CLPTM1: variants seen among roughly 807,000 people sequenced by gnomAD.
CLPTM1 encodes the protein CLPTM1 regulator of GABA type A receptor forward trafficking.
In CLPTM1, 21 loss-of-function variants were observed where a neutral mutation model predicts 77.3. That is an observed-to-expected ratio of 0.27 (90% CI 0.19 to 0.39). The LOEUF (loss-of-function observed/expected upper bound fraction) is 0.39. Among genes scored for constraint, CLPTM1 ranks in the 10% least tolerant of loss-of-function variants. The pLI, the probability that CLPTM1 is intolerant of heterozygous loss-of-function variation, is 1.00. For missense variants in CLPTM1, 642 were observed against 921.2 expected (o/e 0.70, Z 3.92); for synonymous variants, 373 against 381.0 (o/e 0.98, Z 0.24).
chr19:44,980,402 G>T (rs1459554824), intron 5 of CLPTM1, among the ~76,000 whole-genome samples: 1 of 151,802 alleles, frequency 6.6e-6, no homozygotes, highest in Non-Finnish European at 1.5e-5. Context: ...CCAGTTACTC[G>T]GGAAGCTGAG....
At chr19:44,989,463 A>G (rs1971034634) in intron 9 of CLPTM1, among the ~76,000 whole-genome samples, 1 of 151,578 alleles carries the variant, frequency 6.6e-6, no homozygotes, top group Non-Finnish European at 1.5e-5. Context: ...AACCCACCAG[A>G]ACCCTGTCTC....
rs1029257260 is a variant in CLPTM1, at chr19:44,991,360, C to G, written c.1542C>G (p.Phe514Leu). 2.5e-6 allele frequency: 4 copies of G among 1,613,112 alleles called. No individual in the cohort carries two copies. Among genetic ancestry groups the G allele is most frequent in the Non-Finnish European group, 3.4e-6 (4 of 1,179,916 alleles). The change falls in exon 12 of 14, where the codon TTC becomes TTG. Residue 514 changes from phenylalanine (F) to leucine (L), a missense_variant. Phe to Leu is a conservative substitution (Grantham distance 22). This residue lies in a region of CLPTM1 where 521 missense variants were observed against 800.4 expected (regional missense o/e 0.65). Transcript: ENST00000337392. The surrounding 1 kb of genome is among the most constrained non-coding windows in gnomAD (Gnocchi z 5.4). ...GGGTGCTCAGCATGCTCTACGGCTTCCTGCTGACCTTCGGTGAGCGGTCCG... is the reference window on the plus strand; with the variant it reads ...GGGTGCTCAGCATGCTCTACGGCTTGCTGCTGACCTTCGGTGAGCGGTCCG... ...YSWVLSMLYG[F>L]LLTFGFITMT...
At position 44,967,035 on chromosome 19, in the gene CLPTM1, G is replaced by A. The variant is rs1600017135; in HGVS notation, c.185+4960G>A. Among the ~76,000 whole-genome samples, 5 of 152,234 alleles carry A rather than the reference G, an allele frequency of 3.3e-5. No homozygotes were observed. In the South Asian group the frequency reaches 1.0e-3, roughly 32 times the overall value. On this transcript the variant is annotated intron_variant, in intron 2 of 13. Coordinates refer to ENST00000337392, the MANE Select transcript of CLPTM1 (RefSeq NM_001294.4). ...TTTTTGTATTTTTAGTAGAGACAGG[G>A]TTTCATCGTGTTAGCCAGGATAGTC...
chr19:44,980,056 G>A (rs890713340), intron 5 of CLPTM1, among the ~76,000 whole-genome samples: 5 of 152,176 alleles, frequency 3.3e-5, no homozygotes, highest in Admixed American at 6.6e-5. Flanking sequence ...AGTCTGGTCT[G>A]TAAAATAGAA....
At chr19:44,975,393 A>G (rs372851152) in intron 4 of CLPTM1, among the ~76,000 whole-genome samples, 6 of 152,334 alleles carry the variant, frequency 3.9e-5, no homozygotes, top group Middle Eastern at 3.4e-3. Context: ...TTGAACAAGT[A>G]AAAGGGACAT....
At chr19:44,970,371 C>T (rs1475498253) in intron 2 of CLPTM1, among the ~76,000 whole-genome samples, 1 of 143,902 alleles carries the variant, frequency 6.9e-6, no homozygotes, top group Non-Finnish European at 1.5e-5. Flanking sequence ...CTCTGGTTAC[C>T]TCATATGTTG....
chr19:44,993,114 C>A lies in CLPTM1; in HGVS notation c.*217C>A. On this transcript the variant is annotated 3_prime_UTR_variant, in exon 14 of 14. Transcript: ENST00000337392. Reference sequence around the variant, plus strand: ...CTGTCCCTCTGTCCCTCTGTGTTTCCAGCCATCTCGCCCTGCCAGCCCAGC... The same window carrying A: ...CTGTCCCTCTGTCCCTCTGTGTTTCAAGCCATCTCGCCCTGCCAGCCCAGC... The A allele has an allele frequency of 1.4e-6, 1 of 717,922 alleles. No homozygotes were observed. The highest frequency in any genetic ancestry group is 2.7e-5 in the East Asian group (1 of 37,712). 44.5% of individuals were successfully genotyped at this position (717,922 alleles called of 1,614,324 possible).
chr19:44,955,403 C>G lies in CLPTM1; in HGVS notation c.8C>G (p.Ala3Gly). The G allele has an allele frequency of 7.6e-7, 1 of 1,318,098 alleles. No individual in the cohort carries two copies. Among genetic ancestry groups the G allele is most frequent in the Non-Finnish European group, 9.7e-7 (1 of 1,032,676 alleles). 81.7% of individuals were successfully genotyped at this position (1,318,098 alleles called of 1,614,324 possible). The change falls in exon 1 of 14, where the codon GCG (alanine) becomes GGG (glycine). Residue 3 changes from alanine to glycine, a missense_variant. This residue lies in a region of CLPTM1 where 121 missense variants were observed against 120.8 expected (regional missense o/e 1.00). Transcript: ENST00000337392. MAAAQEADGARSA... is the reference protein window; with the variant it reads MAGAQEADGARSA... Reference sequence around the variant, plus strand: ...GGGACCCGGAGCGGGAAGATGGCGGCGGCGCAGGAGGCGGACGGGGCCCGC... The same window carrying G: ...GGGACCCGGAGCGGGAAGATGGCGGGGGCGCAGGAGGCGGACGGGGCCCGC...
chr19:44,956,602 G>A (rs1195996681), intron 1 of CLPTM1, among the ~76,000 whole-genome samples: 1 of 152,170 alleles, frequency 6.6e-6, no homozygotes, highest in East Asian at 1.9e-4. Context: ...CTTAGGAAAT[G>A]TTTGTTGAGT....
chr19:44,974,829 A>G (rs1169441988), intron 4 of CLPTM1, among the ~76,000 whole-genome samples: 1 of 152,132 alleles, frequency 6.6e-6, no homozygotes, highest in African/African-American at 2.4e-5. Context: ...CCTCCCAGCT[A>G]CCTCTAAGGT....
intron 6 of CLPTM1, among the ~76,000 whole-genome samples, chr19:44,985,803 G>T (rs1249665207): frequency 6.6e-6 from 1 of 152,230 alleles, no homozygotes. Flanking sequence ...CTCTGCGGGT[G>T]GTCCTGTGTT....
At chr19:44,961,889 CTTCATGCATGATGG>C in intron 1 of CLPTM1, 60 bp from the exon 2 acceptor site, 1 of 965,240 alleles carries the variant, frequency 1.0e-6, no homozygotes, top group Non-Finnish European at 1.5e-6. Context: ...TGTGCCTGGC[CTTCATGCATGATGG>C]TGTCTAAGAC....
intron 1 of CLPTM1, among the ~76,000 whole-genome samples, chr19:44,959,559 G>T (rs560832889): frequency 1.3e-5 from 2 of 152,242 alleles, no homozygotes; most frequent in Middle Eastern, 3.4e-3. Flanking sequence ...TTGCTGTGTT[G>T]CCCAGGCTGG....
chr19:44,978,981 CTT>C (rs35634071), intron 5 of CLPTM1, among the ~76,000 whole-genome samples: 134 of 132,202 alleles, frequency 1.0e-3, no homozygotes, highest in Non-Finnish European at 1.0e-3. Context: ...TTGCCTGGCT[CTT>C]TTTTTTTTTT....
At chr19:44,973,256 G>A (rs1970751193) in intron 3 of CLPTM1, 46 bp downstream of exon 3, 1 of 1,612,802 alleles carries the variant, frequency 6.2e-7, no homozygotes. Context: ...ATGGGGTGTG[G>A]AGGGGTGGAA....
At position 44,955,431 on chromosome 19, in the gene CLPTM1, C is replaced by T. The variant is rs1970446150; in HGVS notation, c.36C>T (p.Ser12=). 4 of 1,327,402 alleles carry T rather than the reference C, an allele frequency of 3.0e-6. No individual in the cohort carries two copies. Among genetic ancestry groups the T allele is most frequent in the Non-Finnish European group, 3.8e-6 (4 of 1,040,468 alleles). 82.2% of individuals were successfully genotyped at this position (1,327,402 alleles called of 1,614,324 possible). Residue 12 remains serine (S), a synonymous_variant, in exon 1 of 14, where the codon AGC becomes AGT. Transcript: ENST00000337392. The part of the protein sequence containing the change: ...AAAQEADGAR[S]AVVAAGGGSS... Reference sequence around the variant, plus strand: ...CGCAGGAGGCGGACGGGGCCCGCAGCGCCGTGGTGGCGGCCGGGGGAGGCA... The same window carrying T: ...CGCAGGAGGCGGACGGGGCCCGCAGTGCCGTGGTGGCGGCCGGGGGAGGCA...
At chr19:44,985,859 T>C (rs1343431454) in intron 6 of CLPTM1, among the ~76,000 whole-genome samples, 2 of 151,536 alleles carry the variant, frequency 1.3e-5, no homozygotes, top group African/African-American at 2.4e-5. Flanking sequence ...CGTGCAAGAG[T>C]GTGTGGAGCC....
intron 2 of CLPTM1, among the ~76,000 whole-genome samples, chr19:44,966,922 A>T (rs963253975): frequency 6.6e-6 from 1 of 151,844 alleles, no homozygotes; most frequent in Non-Finnish European, 1.5e-5. Flanking sequence ...GCTCACTGCA[A>T]GCTCCGCCTC....
intron 6 of CLPTM1, among the ~76,000 whole-genome samples, chr19:44,985,967 C>T (rs1427099635): frequency 1.3e-5 from 2 of 152,024 alleles, no homozygotes; most frequent in Non-Finnish European, 2.9e-5. Context: ...AGGATCCTGT[C>T]GGTGGCCGGA....
Sources: allele counts gnomAD v4.1 joint callset (sites outside exome capture counted in the v4.1 genomes callset), GRCh38; gene constraint gnomAD v4.1.1; regional missense constraint gnomAD v4.1.1; non-coding constraint Gnocchi (gnomAD v3.1); transcripts MANE v1.5; gene names NCBI Gene and HGNC (gene_info 2026-07-23, HGNC 2026-07-21).